ARHGAP15: variants seen among roughly 807,000 people sequenced by gnomAD.
ARHGAP15 encodes the protein rho GTPase-activating protein 15.
Under a neutral mutation model 63.7 loss-of-function variants are expected in ARHGAP15, and 51 were observed. That is an observed-to-expected ratio of 0.80 (90% CI 0.64 to 1.01). The LOEUF is 1.01. ARHGAP15 is among the 50% of genes least tolerant of loss of function. The probability of loss-of-function intolerance (pLI) is 0.00; values close to 1 mark genes in which losing one functional copy is unlikely to be tolerated. For missense variants in ARHGAP15, 560 were observed against 564.6 expected (o/e 0.99, Z 0.08); for synonymous variants, 191 against 193.8 (o/e 0.99, Z 0.12).
At chr2:143,494,958 A>G (rs2104917773) in intron 9 of ARHGAP15, among the ~76,000 whole-genome samples, 1 of 152,362 alleles carries the variant, frequency 6.6e-6, no homozygotes, top group South Asian at 2.1e-4. Flanking sequence ...ATTATTTGAA[A>G]GTATAGCAGC....
At chr2:143,713,695 AAGTGGG>A (rs56884378) in intron 13 of ARHGAP15, among the ~76,000 whole-genome samples, 26,765 of 152,044 alleles carry the variant, frequency 0.18, 2,530 homozygotes, top group South Asian at 0.3. Flanking sequence ...GAGCCATTCC[AAGTGGG>A]AGAAATCAGC....
chr2:143,146,337 G>A (rs1214856650), intron 1 of ARHGAP15, among the ~76,000 whole-genome samples: 1 of 151,974 alleles, frequency 6.6e-6, no homozygotes, highest in Non-Finnish European at 1.5e-5. Flanking sequence ...ATATTGCATA[G>A]CAATCATCTT....
chr2:143,703,322 G>C, intron 12 of ARHGAP15, 97 bp from the exon 13 acceptor site: 1 of 806,432 alleles, frequency 1.2e-6, no homozygotes. Context: ...TTAGTTGCTA[G>C]TCTCAGTCCA....
intron 6 of ARHGAP15, among the ~76,000 whole-genome samples, chr2:143,419,322 A>G (rs1413821518): frequency 6.6e-6 from 1 of 152,180 alleles, no homozygotes; most frequent in Non-Finnish European, 1.5e-5. Flanking sequence ...AACTTTCTAG[A>G]AAATGATTAG....
At chr2:143,760,714 C>A (rs958063097) in intron 13 of ARHGAP15, among the ~76,000 whole-genome samples, 1 of 152,040 alleles carries the variant, frequency 6.6e-6, no homozygotes, top group Non-Finnish European at 1.5e-5. Context: ...CGCTCCTTTG[C>A]TATAATGTAC....
intron 6 of ARHGAP15, chr2:143,435,231 A>G: frequency 1.0e-6 from 1 of 991,716 alleles, no homozygotes; most frequent in Middle Eastern, 5.1e-4. Context: ...GGAAAGAGGC[A>G]AACGTGCAGA....
chr2:143,167,084 A>G (rs1432114495), intron 2 of ARHGAP15, among the ~76,000 whole-genome samples: 2 of 152,154 alleles, frequency 1.3e-5, no homozygotes, highest in Non-Finnish European at 2.9e-5. Context: ...CTGAACACAG[A>G]CATAATTTAA....
At chr2:143,248,254 A>G (rs1694122612) in intron 5 of ARHGAP15, among the ~76,000 whole-genome samples, 2 of 152,204 alleles carry the variant, frequency 1.3e-5, no homozygotes, top group Non-Finnish European at 2.9e-5. Context: ...TTAACTGGGA[A>G]CTGAAGGATA....
rs574081643 is a variant in ARHGAP15, at chr2:143,471,619, G to A, written c.704-15754G>A. Among the ~76,000 whole-genome samples, 3 of 152,132 alleles carry A rather than the reference G, an allele frequency of 2.0e-5. No homozygotes were observed. The South Asian group carries it at 6.2e-4, about 32-fold the overall frequency. On this transcript the variant is annotated intron_variant, in intron 8 of 13. Transcript: ENST00000295095. ...ACCTAGGAGAGGAGGGAATGTTTGG[G>A]GACAGGCCTGAAGGAAGTGAGGTAT...
intron 10 of ARHGAP15, among the ~76,000 whole-genome samples, chr2:143,544,349 A>C (rs966097109): frequency 3.3e-5 from 5 of 152,206 alleles, no homozygotes; most frequent in Non-Finnish European, 7.3e-5. Flanking sequence ...ACATTTTTCA[A>C]GTGGATCTGT....
chr2:143,285,493 G>A (rs555216770), intron 6 of ARHGAP15, among the ~76,000 whole-genome samples: 6 of 152,110 alleles, frequency 3.9e-5, no homozygotes, highest in African/African-American at 1.4e-4. Flanking sequence ...TGGCCAAACT[G>A]TCTGATTAGA....
At position 143,720,915 on chromosome 2, in the gene ARHGAP15, A is replaced by C. The variant is rs1459121849; in HGVS notation, c.1244+17391A>C. Among the ~76,000 whole-genome samples the C allele has an allele frequency of 1.3e-4, 19 of 151,998 alleles. No homozygotes were observed. The East Asian group carries it at 3.5e-3, about 28-fold the overall frequency. ...AAACCCCATCTCTACTAAACATACA[A>C]AAAATTAGCCAGGCGTGGTGGCGGG... is the stretch of plus-strand genomic sequence containing the variant. On this transcript the variant is annotated intron_variant, in intron 13 of 13. Coordinates refer to ENST00000295095, the MANE Select transcript of ARHGAP15 (RefSeq NM_018460.4).
chr2:143,591,902 G>A (rs1289092987), intron 11 of ARHGAP15, among the ~76,000 whole-genome samples: 2 of 150,846 alleles, frequency 1.3e-5, no homozygotes, highest in African/African-American at 4.9e-5. Flanking sequence ...TTAGAGGTGT[G>A]AGCCACTGCA....
chr2:143,270,012 GC>G (rs1681194197), intron 6 of ARHGAP15, among the ~76,000 whole-genome samples: 1 of 151,902 alleles, frequency 6.6e-6, no homozygotes, highest in African/African-American at 2.4e-5. Context: ...CGCTCTTGTC[GC>G]CCGGGCTGGT....
chr2:143,527,316 T>C (rs1489238754), intron 10 of ARHGAP15, among the ~76,000 whole-genome samples: 2 of 152,136 alleles, frequency 1.3e-5, no homozygotes, highest in Admixed American at 6.6e-5. Flanking sequence ...AAAAGACTCA[T>C]GTCTTAGAGA....
intron 12 of ARHGAP15, among the ~76,000 whole-genome samples, chr2:143,647,419 A>T (rs1216010391): frequency 6.6e-6 from 1 of 151,922 alleles, no homozygotes; most frequent in East Asian, 1.9e-4. Context: ...GTATACTTTG[A>T]ATCTGCTCAC....
chr2:143,539,403 ATT>A (rs1694939150), intron 10 of ARHGAP15, among the ~76,000 whole-genome samples: 1 of 151,492 alleles, frequency 6.6e-6, no homozygotes, highest in Non-Finnish European at 1.5e-5. Flanking sequence ...GATCTTAGTT[ATT>A]TCTTGCCTTC....
At chr2:143,280,017 C>A (rs567252285) in intron 6 of ARHGAP15, among the ~76,000 whole-genome samples, 9 of 152,282 alleles carry the variant, frequency 5.9e-5, no homozygotes, top group African/African-American at 2.2e-4. Context: ...CCCCCAAACA[C>A]TTTAGAGAAG....
intron 6 of ARHGAP15, among the ~76,000 whole-genome samples, chr2:143,422,106 C>T (rs1028868627): frequency 6.6e-6 from 1 of 152,028 alleles, no homozygotes; most frequent in African/African-American, 2.4e-5. Flanking sequence ...TCTAATTAAG[C>T]CACAAACTTT....
Sources: allele counts gnomAD v4.1 joint callset (sites outside exome capture counted in the v4.1 genomes callset), GRCh38; gene constraint gnomAD v4.1.1; transcripts MANE v1.5; gene names NCBI Gene and HGNC (gene_info 2026-07-23, HGNC 2026-07-21).